The following CERT1 variants were observed in gnomAD, a reference collection of about 807,000 sequenced individuals.
CERT1 encodes ceramide transporter 1, also known as ceramide transfer protein.
CERT1 carries 31 observed loss-of-function variants against 87.9 expected under a neutral mutation model. The observed-to-expected ratio is 0.35, with a 90% CI of 0.27 to 0.48. CERT1 has a LOEUF of 0.48. CERT1 is among the 20% of genes least tolerant of loss of function. CERT1 has a pLI of 0.99. For synonymous variants in CERT1, 289 were observed against 250.9 expected (o/e 1.15, Z -1.44); for missense variants, 487 against 758.0 (o/e 0.64, Z 4.20).
chr5:75,378,604 A>T lies in CERT1; in HGVS notation c.*742T>A, dbSNP rs1320712619. ...TGTTTTACACATCTCATGTCTTATA[A>T]AGAAAGATAGTCAAGATACATTGTT... On this transcript the variant is annotated 3_prime_UTR_variant, in exon 17 of 17. Transcript: ENST00000643780. The T allele has an allele frequency of 6.6e-6, 1 of 152,200 alleles. No individual in the cohort carries two copies. Among genetic ancestry groups the T allele is most frequent in the Admixed American group, 6.5e-5 (1 of 15,272 alleles). The allele number at this position is 152,200 out of a possible 1,614,324, so 9.4% of individuals were successfully genotyped here.
chr5:75,426,411 C>T lies in CERT1; in HGVS notation c.416G>A (p.Gly139Glu). The T allele has an allele frequency of 2.5e-6, 4 of 1,613,734 alleles. No homozygotes were observed. The highest frequency in any genetic ancestry group is 3.4e-6 in the Non-Finnish European group (4 of 1,179,814). Residue 139 changes from glycine to glutamate, a missense_variant, in exon 4 of 17, where the codon GGA (glycine) becomes GAA (glutamate). By Grantham distance (98) the Gly-to-Glu change is moderately conservative. Transcript: ENST00000643780. The part of the protein sequence containing the change: ...RHGSMVSLVS[G>E]ASGYSATSTS... ...GGATGTTGCAGAGTAGCCACTTGCT[C>T]CAGACACCAGGGACACCATTGAGCC...
intron 11 of CERT1, among the ~76,000 whole-genome samples, chr5:75,396,452 T>G (rs1004930316): frequency 1.3e-5 from 2 of 151,846 alleles, no homozygotes; most frequent in African/African-American, 4.8e-5. Flanking sequence ...GTAGGCCAGG[T>G]GTGGCGGCTC....
At position 75,452,922 on chromosome 5, in the gene CERT1, C is replaced by T. The variant is rs193015121; in HGVS notation, c.348+6143G>A. On this transcript the variant is annotated intron_variant, in intron 3 of 16. Transcript: ENST00000643780. ...TGGACTCCACAGATTAAAGCCAGCA[C>T]AATATTTCTAAATAAAATTACTGGT... Among the ~76,000 whole-genome samples the T allele has an allele frequency of 2.6e-5, 4 of 152,208 alleles. No individual in the cohort carries two copies. The East Asian group carries it at 7.7e-4, about 29-fold the overall frequency.
chr5:75,485,466 TAAAG>T (rs1480406301), intron 2 of CERT1, among the ~76,000 whole-genome samples: 1 of 151,602 alleles, frequency 6.6e-6, no homozygotes, highest in Non-Finnish European at 1.5e-5. Flanking sequence ...TGATGCATCT[TAAAG>T]AAAGAAAAGA....
upstream of CERT1, chr5:75,511,827 G>GA (rs1561319584): frequency 1.3e-6 from 2 of 1,550,962 alleles, no homozygotes; most frequent in South Asian, 2.4e-5. Flanking sequence ...GCGGGGTAGG[G>GA]ATGCAGCTGT....
At chr5:75,508,190 C>T (rs1284294543) in intron 1 of CERT1, among the ~76,000 whole-genome samples, 1 of 152,200 alleles carries the variant, frequency 6.6e-6, no homozygotes, top group Admixed American at 6.5e-5. Flanking sequence ...TTTACAATTA[C>T]CACACTTCAT....
At chr5:75,398,241 T>C (rs1048817154) in intron 11 of CERT1, among the ~76,000 whole-genome samples, 7 of 152,134 alleles carry the variant, frequency 4.6e-5, no homozygotes, top group African/African-American at 1.7e-4. Context: ...TTTATAAACA[T>C]AAAAATAATA....
upstream of CERT1, chr5:75,511,888 G>A: frequency 6.8e-7 from 1 of 1,465,184 alleles, no homozygotes; most frequent in Non-Finnish European, 9.3e-7. Flanking sequence ...CCTCCTGGGA[G>A]TTGTAGTCGC....
intron 8 of CERT1, among the ~76,000 whole-genome samples, chr5:75,410,388 T>A (rs975301599): frequency 2.6e-5 from 4 of 152,018 alleles, no homozygotes; most frequent in Admixed American, 2.6e-4. Context: ...GGCGGGCGGA[T>A]CACGAGGTCA....
chr5:75,499,338 C>T (rs1156398657), intron 2 of CERT1, among the ~76,000 whole-genome samples: 1 of 152,088 alleles, frequency 6.6e-6, no homozygotes, highest in African/African-American at 2.4e-5. Flanking sequence ...TTGGCTGTGT[C>T]CCCACCCAAA....
intron 8 of CERT1, among the ~76,000 whole-genome samples, chr5:75,407,899 G>GT (rs1346654724): frequency 2.2e-5 from 3 of 136,076 alleles, no homozygotes; most frequent in Admixed American, 7.4e-5. Context: ...TTTTATTATG[G>GT]TAAAAAAAAA....
At chr5:75,459,515 G>A (rs1280447878) in intron 2 of CERT1, among the ~76,000 whole-genome samples, 1 of 152,100 alleles carries the variant, frequency 6.6e-6, no homozygotes, top group African/African-American at 2.4e-5. Context: ...TTTTTGAGGT[G>A]AGGGTCTTGC....
Position 75,505,986 on chromosome 5 carries a change from A to T in CERT1, c.227T>A (p.Ile76Asn). Reference protein sequence around the residue: ...RGSICLSKAVITPHDFDECRF... With the variant: ...RGSICLSKAVNTPHDFDECRF... The stretch of plus-strand genomic sequence containing the variant: ...TGAAGAAGAAAAGGAACTTACTGTG[A>T]TGACAGCCTTGCTAAGACAGATGGA... Residue 76 changes from isoleucine (I) to asparagine (N), a missense_variant, in exon 2 of 17, where the codon ATC (isoleucine) becomes AAC (asparagine). Coordinates refer to ENST00000643780, the MANE Select transcript of CERT1 (RefSeq NM_001379029.1). 1 of 1,612,988 alleles carries T rather than the reference A, an allele frequency of 6.2e-7. No individual in the cohort carries two copies. Among genetic ancestry groups the T allele is most frequent in the Non-Finnish European group, 8.5e-7 (1 of 1,179,280 alleles).
intron 2 of CERT1, among the ~76,000 whole-genome samples, chr5:75,486,644 C>A (rs1003397594): frequency 1.3e-5 from 2 of 152,030 alleles, no homozygotes; most frequent in Non-Finnish European, 2.9e-5. Context: ...AGTAAAGTTG[C>A]AGGATACAAA....
In CERT1 at chr5:75,415,078, A is replaced by C. The variant is rs188654435; in HGVS notation, c.837+1798T>G. On this transcript the variant is annotated intron_variant, in intron 7 of 16. Coordinates refer to ENST00000643780, the MANE Select transcript of CERT1 (RefSeq NM_001379029.1). ...CACACTCTACATACAAAAGATTAGA[A>C]AGTTCTTGAATAGAGTTGCTTACCA... Among the ~76,000 whole-genome samples the C allele has an allele frequency of 1.3e-3, 196 of 152,194 alleles. 1 individual carries two copies. Among genetic ancestry groups the C allele is most frequent in the Non-Finnish European group, 1.4e-3 (94 of 67,980 alleles).
chr5:75,511,745 C>T (rs1768020303), upstream of CERT1: 3 of 1,550,462 alleles, frequency 1.9e-6, no homozygotes, highest in South Asian at 1.2e-5. Context: ...CGGGATCCTC[C>T]TCCCGAACCC....
chr5:75,393,924 C>T (rs1019053341), intron 11 of CERT1, among the ~76,000 whole-genome samples: 1 of 151,894 alleles, frequency 6.6e-6, no homozygotes, highest in Admixed American at 6.6e-5. Context: ...GAGATCGCGC[C>T]ACTGCACTCC....
intron 17 of CERT1, chr5:75,370,270 A>G (rs1761034230): frequency 6.6e-6 from 1 of 152,228 alleles, no homozygotes; most frequent in Admixed American, 6.5e-5. Context: ...GTGCCTTTCA[A>G]TATGAATCCA....
chr5:75,381,359 A>G (rs1046761564), intron 15 of CERT1, among the ~76,000 whole-genome samples, 158 bp from the exon 16 acceptor site: 3 of 151,720 alleles, frequency 2.0e-5, no homozygotes, highest in Non-Finnish European at 2.9e-5. Context: ...ATTCCTCCCC[A>G]CCCACTTTTT....
Sources: allele counts gnomAD v4.1 joint callset (sites outside exome capture counted in the v4.1 genomes callset), GRCh38; gene constraint gnomAD v4.1.1; transcripts MANE v1.5; gene names NCBI Gene and HGNC (gene_info 2026-07-23, HGNC 2026-07-21).